LAMA2: variants seen among roughly 807,000 people sequenced by gnomAD.
The protein encoded by LAMA2 is laminin subunit alpha-2.
In LAMA2, 269 loss-of-function variants were observed where a neutral mutation model predicts 364.8. The observed-to-expected ratio is 0.74, with a 90% CI of 0.67 to 0.82. The LOEUF is 0.82. Among genes scored for constraint, LAMA2 ranks in the 40% least tolerant of loss-of-function variants. The pLI is 0.00. For synonymous variants in LAMA2, 1,379 were observed against 1,370.6 expected (o/e 1.01, Z -0.14); for missense variants, 3,807 against 3,873.2 (o/e 0.98, Z 0.45).
At chr6:129,038,500 G>A (rs1042408357) in intron 1 of LAMA2, among the ~76,000 whole-genome samples, 1 of 152,076 alleles carries the variant, frequency 6.6e-6, no homozygotes, top group African/African-American at 2.4e-5. Flanking sequence ...TGAAAACCAG[G>A]GTGAGAAGAT....
At chr6:129,494,058 A>G (rs1367235008) in intron 58 of LAMA2, among the ~76,000 whole-genome samples, 1 of 152,236 alleles carries the variant, frequency 6.6e-6, no homozygotes. Context: ...AAGGTTTTCA[A>G]TACACATACC....
In LAMA2 at chr6:129,098,285, C is replaced by T. The variant is rs545317749; in HGVS notation, c.509C>T (p.Ala170Val). The T allele has an allele frequency of 1.9e-6, 3 of 1,614,098 alleles. No individual in the cohort carries two copies. Among genetic ancestry groups the T allele is most frequent in the African/African-American group, 1.3e-5 (1 of 75,038 alleles). ...DVEYKPWQYH[A>V]VTDTECLTLY... ...GAATACAAGCCCTGGCAGTATCATG[C>T]TGTGACAGACACGGAGTGCCTAACG... The change falls in exon 4 of 65, where the codon GCT becomes GTT. Residue 170 changes from alanine (A) to valine (V), a missense_variant. By Grantham distance (64) the Ala-to-Val change is moderately conservative. This residue lies in a region of LAMA2 where 394 missense variants were observed against 403.5 expected (regional missense o/e 0.98). Transcript: ENST00000421865.
Position 129,050,082 on chromosome 6 carries a change from C to A in LAMA2, c.277C>A (p.Pro93Thr), listed in dbSNP as rs530988751. 30 of 1,614,138 alleles carry A rather than the reference C, an allele frequency of 1.9e-5. No individual in the cohort carries two copies. In the East Asian group the frequency reaches 5.6e-4, roughly 30 times the overall value. ...AATCTGCAATCAAAACAGCAGCAAT[C>A]CAAACCGTATGTATTTTAGTGTGTA... ...CRICNQNSSN[P>T]NQRHPITNAI... is the part of the protein sequence containing the mutation. Residue 93 changes from proline (P) to threonine (T), a missense_variant, in exon 2 of 65, where the codon CCA becomes ACA. Physicochemically the swap from Pro to Thr is conservative, Grantham distance 38. Coordinates refer to ENST00000421865, the MANE Select transcript of LAMA2 (RefSeq NM_000426.4).
intron 1 of LAMA2, among the ~76,000 whole-genome samples, chr6:129,020,063 G>A (rs1046009810): frequency 2.0e-5 from 3 of 149,408 alleles, no homozygotes; most frequent in Non-Finnish European, 4.4e-5. Flanking sequence ...TCCAGCCTGG[G>A]CGACAAGAGC....
chr6:129,343,951 A>G (rs1158166297), intron 30 of LAMA2, among the ~76,000 whole-genome samples: 1 of 152,214 alleles, frequency 6.6e-6, no homozygotes, highest in East Asian at 1.9e-4. Context: ...GCAAAACCTA[A>G]TAAGTAACAG....
At chr6:129,280,903 G>A (rs772455749) in intron 18 of LAMA2, among the ~76,000 whole-genome samples, 2 of 152,258 alleles carry the variant, frequency 1.3e-5, no homozygotes, top group South Asian at 2.1e-4. Flanking sequence ...CAAAGGAAGT[G>A]ACCTACTTTC....
intron 1 of LAMA2, among the ~76,000 whole-genome samples, chr6:128,954,681 C>T (rs9402089): frequency 0.82 from 124,859 of 151,896 alleles, 51,625 homozygotes; most frequent in South Asian, 0.88. Context: ...TTCTTCAGTA[C>T]AGTACAACAG....
In LAMA2 at chr6:129,306,120, A is replaced by G. The variant is rs1169133092; in HGVS notation, c.3174+5248A>G. 1.4e-4 allele frequency among the ~76,000 whole-genome samples: 22 copies of G among 151,964 alleles called. 1 individual carries two copies. The highest frequency in any genetic ancestry group is 5.9e-5 in the Non-Finnish European group (4 of 67,946). On this transcript the variant is annotated intron_variant, in intron 22 of 64. Transcript: ENST00000421865. ...ATAAGCTTACGATTTTGATTTCAATAGTCAATTATCTTTTTAAACAAGAAA... is the reference window on the plus strand; with the variant it reads ...ATAAGCTTACGATTTTGATTTCAATGGTCAATTATCTTTTTAAACAAGAAA...
chr6:129,213,722 CTTG>C (rs1384498671), intron 12 of LAMA2, among the ~76,000 whole-genome samples: 13 of 152,060 alleles, frequency 8.5e-5, no homozygotes, highest in South Asian at 6.2e-4. Context: ...AATTTATTTT[CTTG>C]TTGTTGAGAT....
At chr6:129,135,186 G>A (rs1488846158) in intron 4 of LAMA2, among the ~76,000 whole-genome samples, 2 of 152,160 alleles carry the variant, frequency 1.3e-5, no homozygotes, top group Non-Finnish European at 2.9e-5. Flanking sequence ...ACAGGAGGAC[G>A]ATAAAGAGGA....
chr6:129,426,902 C>T (rs534222830), intron 40 of LAMA2, among the ~76,000 whole-genome samples: 50 of 152,240 alleles, frequency 3.3e-4, no homozygotes, highest in Admixed American at 1.0e-3. Context: ...TTTATATCTT[C>T]AACAGTAAGT....
At chr6:129,411,117 A>G (rs904687492) in intron 40 of LAMA2, among the ~76,000 whole-genome samples, 4 of 152,190 alleles carry the variant, frequency 2.6e-5, no homozygotes, top group Non-Finnish European at 5.9e-5. Flanking sequence ...ACACCCGGAA[A>G]TAATGTTTAA....
intron 35 of LAMA2, among the ~76,000 whole-genome samples, chr6:129,388,283 C>G (rs1364888974): frequency 3.8e-4 from 57 of 150,448 alleles, no homozygotes; most frequent in Non-Finnish European, 6.7e-4. Flanking sequence ...AACAAACAAA[C>G]AAAAAACTGG....
intron 12 of LAMA2, among the ~76,000 whole-genome samples, chr6:129,213,488 T>C (rs1783229987): frequency 1.3e-5 from 2 of 152,206 alleles, no homozygotes; most frequent in African/African-American, 2.4e-5. Context: ...TTTTGCATTC[T>C]CACCAGCAAT....
At chr6:129,170,058 T>G (rs1203892733) in intron 9 of LAMA2, among the ~76,000 whole-genome samples, 2 of 151,936 alleles carry the variant, frequency 1.3e-5, no homozygotes, top group Non-Finnish European at 2.9e-5. Context: ...TCTCTTTTTT[T>G]CTTTATTAGT....
chr6:129,291,399 G>T (rs1416281689), intron 19 of LAMA2, among the ~76,000 whole-genome samples: 1 of 152,216 alleles, frequency 6.6e-6, no homozygotes, highest in Admixed American at 6.5e-5. Context: ...GGCCAGACAT[G>T]ATGCTAAAGC....
intron 42 of LAMA2, 27 bp downstream of exon 42, chr6:129,438,789 T>A: frequency 1.8e-6 from 2 of 1,138,010 alleles, no homozygotes; most frequent in Non-Finnish European, 2.7e-6. Context: ...CTACCAACTG[T>A]GTCAGTTGAC....
At chr6:129,340,640 A>C (rs1776206771) in intron 29 of LAMA2, among the ~76,000 whole-genome samples, 1 of 152,022 alleles carries the variant, frequency 6.6e-6, no homozygotes, top group South Asian at 2.1e-4. Flanking sequence ...GTTCAAGACC[A>C]GCCTGGCCAA....
At chr6:129,332,671 C>G (rs1775723470) in intron 29 of LAMA2, among the ~76,000 whole-genome samples, 1 of 152,076 alleles carries the variant, frequency 6.6e-6, no homozygotes, top group Non-Finnish European at 1.5e-5. Context: ...GCACGCATTT[C>G]TCATATAAAA....
Sources: allele counts gnomAD v4.1 joint callset (sites outside exome capture counted in the v4.1 genomes callset), GRCh38; gene constraint gnomAD v4.1.1; regional missense constraint gnomAD v4.1.1; transcripts MANE v1.5; gene names NCBI Gene and HGNC (gene_info 2026-07-23, HGNC 2026-07-21).